Variants in LPP observed in about 807,000 individuals in gnomAD.
LPP encodes the protein lipoma-preferred partner.
In LPP, 38 loss-of-function variants were observed where a neutral mutation model predicts 60.4. The ratio of observed to expected loss-of-function variants is 0.63; its 90% CI spans 0.49 to 0.83. The LOEUF (loss-of-function observed/expected upper bound fraction) is 0.83, where lower values mean the gene tolerates loss of function less well. Among genes scored for constraint, LPP ranks in the 40% least tolerant of loss-of-function variants. The pLI is 0.00. For synonymous variants in LPP, 328 were observed against 290.8 expected (o/e 1.13, Z -1.30); for missense variants, 902 against 783.6 (o/e 1.15, Z -1.80).
intron 3 of LPP, among the ~76,000 whole-genome samples, chr3:188,384,881 G>A (rs1004388761): frequency 6.6e-6 from 1 of 151,338 alleles, no homozygotes. Flanking sequence ...GAGAGATAGA[G>A]GCATGCCCTA....
intron 9 of LPP, among the ~76,000 whole-genome samples, chr3:188,774,275 A>G (rs1374331986): frequency 6.6e-6 from 1 of 152,016 alleles, no homozygotes; most frequent in African/African-American, 2.4e-5. Flanking sequence ...TACCCTTCCA[A>G]CTGAAGACAA....
In LPP at chr3:188,752,816, CAGTGGTTCTCAAA is replaced by C. The variant is rs1577346069; in HGVS notation, c.1241-7296_1241-7284del. On this transcript the variant is annotated intron_variant, in intron 8 of 11. Transcript: ENST00000617246. ...CAGAAGCATACAGTCCTTGTTACAGCAGTGGTTCTCAAACTCACATTCCTGATGGAAAGCTAGA... is the reference window on the plus strand; with the variant it reads ...CAGAAGCATACAGTCCTTGTTACAGCCTCACATTCCTGATGGAAAGCTAGA... 5.9e-5 allele frequency among the ~76,000 whole-genome samples: 9 copies of C among 152,332 alleles called. No individual in the cohort carries two copies. In the East Asian group the frequency reaches 1.7e-3, roughly 29 times the overall value.
intron 2 of LPP, among the ~76,000 whole-genome samples, chr3:188,334,431 T>TG (rs1761059633): frequency 6.8e-6 from 1 of 147,726 alleles, no homozygotes; most frequent in Non-Finnish European, 1.5e-5. Context: ...TCTTTTTTTT[T>TG]TTTTTTTTTT....
chr3:188,441,627 T>C (rs1015971162), intron 4 of LPP, among the ~76,000 whole-genome samples: 9 of 113,854 alleles, frequency 7.9e-5, no homozygotes, highest in East Asian at 6.5e-4. Context: ...TTTTTTTTTT[T>C]TTTTTTTTTT....
At chr3:188,615,298 C>T (rs568804616) in intron 7 of LPP, among the ~76,000 whole-genome samples, 22 of 151,882 alleles carry the variant, frequency 1.4e-4, no homozygotes, top group African/African-American at 5.1e-4. Flanking sequence ...TCTTCCCAGT[C>T]CTTCCCCAAA....
Position 188,886,883 on chromosome 3 carries a change from G to A in LPP, c.*12404G>A, listed in dbSNP as rs111697043. The A allele has an allele frequency of 1.0e-4, 24 of 230,176 alleles. No individual in the cohort carries two copies. Among genetic ancestry groups the A allele is most frequent in the African/African-American group, 5.3e-4 (24 of 45,216 alleles). 14.3% of individuals were successfully genotyped at this position (230,176 alleles called of 1,614,324 possible). A position where few individuals can be genotyped will look rare whatever the true frequency, so the allele number is the denominator to read the frequency against. On this transcript the variant is annotated 3_prime_UTR_variant, in exon 12 of 12. Transcript: ENST00000617246. ...CCATTTTTGTAACAGCTAAAAAGGA[G>A]AAGAAAAAGCTAGTTAAATTTTGTG... is the stretch of plus-strand genomic sequence containing the variant.
At chr3:188,270,805 G>A (rs1389988691) in intron 2 of LPP, among the ~76,000 whole-genome samples, 4 of 152,210 alleles carry the variant, frequency 2.6e-5, no homozygotes, top group Non-Finnish European at 2.9e-5. Context: ...TTGGTCACAT[G>A]TCGGTTTAAT....
At position 188,404,149 on chromosome 3, in the gene LPP, C is replaced by G. The variant is rs1032514709; in HGVS notation, c.-9-1963C>G. Reference sequence around the variant, plus strand: ...TACAAGAATAGAGGCTTCTTTTTTTCTCACTTTGCATAGCACTCTATACTA... The same window carrying G: ...TACAAGAATAGAGGCTTCTTTTTTTGTCACTTTGCATAGCACTCTATACTA... On this transcript the variant is annotated intron_variant, in intron 3 of 11. Coordinates refer to ENST00000617246, the MANE Select transcript of LPP (RefSeq NM_001375462.1). 3.9e-5 allele frequency among the ~76,000 whole-genome samples: 6 copies of G among 152,178 alleles called. No homozygotes were observed. In the South Asian group the frequency reaches 1.2e-3, roughly 32 times the overall value.
chr3:188,679,508 C>T (rs568653375), intron 7 of LPP, among the ~76,000 whole-genome samples: 1 of 145,060 alleles, frequency 6.9e-6, no homozygotes, highest in African/African-American at 2.6e-5. Context: ...TTTGCCAAAA[C>T]TTTGAATACT....
intron 7 of LPP, among the ~76,000 whole-genome samples, chr3:188,686,670 G>A (rs1248999613): frequency 6.6e-6 from 1 of 152,170 alleles, no homozygotes; most frequent in Admixed American, 6.5e-5. Context: ...AGCTTCCCAA[G>A]TGATTCTGAT....
chr3:188,276,649 AC>A (rs1231579857), intron 2 of LPP, among the ~76,000 whole-genome samples: 5 of 138,612 alleles, frequency 3.6e-5, no homozygotes, highest in Non-Finnish European at 7.8e-5. Context: ...AGTGTGTGGC[AC>A]CCCCCACCCT....
chr3:188,737,460 C>G (rs977552518), intron 8 of LPP, among the ~76,000 whole-genome samples: 5 of 152,152 alleles, frequency 3.3e-5, no homozygotes, highest in Non-Finnish European at 7.3e-5. Context: ...TGAAATTTCC[C>G]GTGGATGAAT....
rs1271313474 is a variant in LPP, at chr3:188,875,557, T to A, written c.*1078T>A. The A allele has an allele frequency of 4.7e-6, 1 of 210,972 alleles. No individual in the cohort carries two copies. Among genetic ancestry groups the A allele is most frequent in the African/African-American group, 2.3e-5 (1 of 44,074 alleles). The allele number at this position is 210,972 out of a possible 1,614,324, so 13.1% of individuals were successfully genotyped here. A position where few individuals can be genotyped will look rare whatever the true frequency, so the allele number is the denominator to read the frequency against. On this transcript the variant is annotated 3_prime_UTR_variant, in exon 12 of 12. Coordinates refer to ENST00000617246, the MANE Select transcript of LPP (RefSeq NM_001375462.1). ...ATAAAACTGTGCAGTTTTGTTTGGT[T>A]TACTTTCAAAAGAGTAGAAAGCTTG...
chr3:188,484,758 T>TAGG, intron 5 of LPP, 54 bp downstream of exon 5: 1 of 1,338,614 alleles, frequency 7.5e-7, no homozygotes, highest in Non-Finnish European at 1.1e-6. Context: ...AAAGTCATGT[T>TAGG]TATAAGCCAT....
intron 6 of LPP, among the ~76,000 whole-genome samples, chr3:188,600,726 C>T (rs2151209381): frequency 6.6e-6 from 1 of 152,212 alleles, no homozygotes; most frequent in Admixed American, 6.5e-5. Flanking sequence ...TCTCCCATCC[C>T]ATGGCAATCA....
chr3:188,647,026 A>G (rs1182080544), intron 7 of LPP, among the ~76,000 whole-genome samples: 2 of 152,234 alleles, frequency 1.3e-5, no homozygotes, highest in Non-Finnish European at 2.9e-5. Flanking sequence ...TGTCTGGCCT[A>G]GTTCTTGGCC....
At chr3:188,407,777 TTTGTTTGTTTG>T (rs1783912944) in intron 4 of LPP, among the ~76,000 whole-genome samples, 2 of 51,954 alleles carry the variant, frequency 3.8e-5, no homozygotes, top group African/African-American at 9.9e-5. Flanking sequence ...GGTTTTTTTT[TTTGTTTGTTTG>T]TTTTTTTTTT....
Position 188,524,681 on chromosome 3 carries a change from A to T in LPP, c.323A>T (p.Lys108Met), listed in dbSNP as rs545266325. The T allele has an allele frequency of 6.2e-7, 1 of 1,613,662 alleles. No individual in the cohort carries two copies. Among genetic ancestry groups the T allele is most frequent in the African/African-American group, 1.3e-5 (1 of 75,010 alleles). ...TTCCAACAGGGGAATCCCGGAGGCA[A>T]GACACTTGAGGAGAGGCGCTCCAGC... ...AFKVQGNPGG[K>M]TLEERRSSLD... is the part of the protein sequence containing the mutation. The change falls in exon 6 of 12, where the codon AAG becomes ATG. Residue 108 changes from lysine to methionine, a missense_variant. Lys to Met is a moderately conservative substitution (Grantham distance 95). Transcript: ENST00000617246.
chr3:188,196,765 C>G (rs1479288010), intron 1 of LPP, among the ~76,000 whole-genome samples: 1 of 152,120 alleles, frequency 6.6e-6, no homozygotes, highest in East Asian at 1.9e-4. Flanking sequence ...TGACCCCTGC[C>G]TCTTTCTGTC....
Sources: gnomAD v4.1 joint callset for allele counts (sites outside exome capture counted in the v4.1 genomes callset) on GRCh38, gnomAD v4.1.1 for gene constraint, MANE v1.5 for transcripts, NCBI Gene and HGNC (gene_info 2026-07-23, HGNC 2026-07-21) for gene names.